Variants in MBNL2 observed in about 807,000 individuals in gnomAD.
The protein encoded by MBNL2 is muscleblind like splicing regulator 2.
Under a neutral mutation model 41.9 loss-of-function variants are expected in MBNL2, and 17 were observed. The observed-to-expected ratio is 0.41, with a 90% CI of 0.28 to 0.61. The LOEUF (loss-of-function observed/expected upper bound fraction) is 0.61. MBNL2 is among the 20% of genes least tolerant of loss of function. The pLI is 0.35. For synonymous variants in MBNL2, 195 were observed against 182.9 expected (o/e 1.07, Z -0.53); for missense variants, 336 against 505.6 (o/e 0.66, Z 3.22).
chr13:97,217,104 CAT>C (rs1469206790), upstream of MBNL2, among the ~76,000 whole-genome samples: 2 of 145,032 alleles, frequency 1.4e-5, no homozygotes, highest in African/African-American at 5.3e-5. Context: ...ATATACATAT[CAT>C]ATACAGTATG....
chr13:97,294,116 G>A (rs1308624372), intron 2 of MBNL2, among the ~76,000 whole-genome samples: 1 of 150,460 alleles, frequency 6.6e-6, no homozygotes, highest in Non-Finnish European at 1.5e-5. Context: ...TCATTTCATT[G>A]AATTTCATTT....
intron 4 of MBNL2, among the ~76,000 whole-genome samples, chr13:97,344,303 G>A (rs892791078): frequency 6.6e-6 from 1 of 152,144 alleles, no homozygotes; most frequent in Non-Finnish European, 1.5e-5. Context: ...ATATCCCTAT[G>A]ATATTCACTA....
At chr13:97,149,247 C>T in the MBNL2 span, among the ~76,000 whole-genome samples, 3 of 152,102 alleles carry the variant, frequency 2.0e-5, no homozygotes, top group African/African-American at 7.2e-5. Flanking sequence ...ATGATATGTT[C>T]GGGCTTCAGA....
chr13:97,176,868 AAAC>A, the MBNL2 span, among the ~76,000 whole-genome samples: 1 of 152,152 alleles, frequency 6.6e-6, no homozygotes, highest in Non-Finnish European at 1.5e-5. Context: ...ACATCTCACC[AAAC>A]AACGTTTTTA....
chr13:97,180,409 T>G, the MBNL2 span, among the ~76,000 whole-genome samples: 1 of 152,094 alleles, frequency 6.6e-6, no homozygotes, highest in Non-Finnish European at 1.5e-5. Flanking sequence ...ATGGGCTGAG[T>G]TGATATTTAT....
At chr13:97,152,623 A>C in the MBNL2 span, among the ~76,000 whole-genome samples, 1 of 152,200 alleles carries the variant, frequency 6.6e-6, no homozygotes, top group Non-Finnish European at 1.5e-5. Flanking sequence ...AAAATAATCA[A>C]TGCCTACCTT....
intron 8 of MBNL2, among the ~76,000 whole-genome samples, chr13:97,384,706 A>G (rs4771272): frequency 6.6e-6 from 1 of 152,010 alleles, no homozygotes; most frequent in Admixed American, 6.6e-5. Flanking sequence ...GGAAATGCCA[A>G]TTAATTGCCT....
At chr13:97,364,871 G>A (rs947899008) in intron 7 of MBNL2, among the ~76,000 whole-genome samples, 6 of 152,170 alleles carry the variant, frequency 3.9e-5, no homozygotes, top group Admixed American at 3.9e-4. Context: ...ATTATCACAT[G>A]TCATTCTTAT....
At chr13:97,181,500 A>G in the MBNL2 span, among the ~76,000 whole-genome samples, 2 of 152,162 alleles carry the variant, frequency 1.3e-5, no homozygotes, top group Non-Finnish European at 2.9e-5. Flanking sequence ...AAATGATGAA[A>G]TGTATAGTAG....
At position 97,346,319 on chromosome 13, in the gene MBNL2, AG is replaced by A. The variant is rs2061859005; in HGVS notation, c.541-482del. 1.3e-5 allele frequency among the ~76,000 whole-genome samples: 2 copies of A among 152,100 alleles called. No homozygotes were observed. The highest frequency in any genetic ancestry group is 4.1e-4 in the South Asian group (2 of 4,820). ...TAGATAGATGGATAATAGATAATAGAGGGATAGATTGATAGATGATAGATAA... is the reference window on the plus strand; with the variant it reads ...TAGATAGATGGATAATAGATAATAGAGGATAGATTGATAGATGATAGATAA... On this transcript the variant is annotated intron_variant, in intron 4 of 8. Coordinates refer to ENST00000679496, the MANE Select transcript of MBNL2 (RefSeq NM_001382683.1). The surrounding 1 kb of genome is among the most constrained non-coding windows in gnomAD (Gnocchi z 4.2).
At chr13:97,294,570 G>A (rs887203899) in intron 2 of MBNL2, among the ~76,000 whole-genome samples, 2 of 152,256 alleles carry the variant, frequency 1.3e-5, no homozygotes, top group East Asian at 1.9e-4. Flanking sequence ...ATATTCCTTC[G>A]GGGACTTATG....
the MBNL2 span, among the ~76,000 whole-genome samples, chr13:97,178,550 C>G: frequency 6.6e-6 from 1 of 152,174 alleles, no homozygotes; most frequent in Non-Finnish European, 1.5e-5. Flanking sequence ...TCAACCTCAT[C>G]TTTCATAGCA....
Position 97,366,801 on chromosome 13 carries a change from C to G in MBNL2, c.1048+1630C>G. On this transcript the variant is annotated intron_variant, in intron 8 of 8. Coordinates refer to ENST00000679496, the MANE Select transcript of MBNL2 (RefSeq NM_001382683.1). This position sits in a 1 kb window ranked among gnomAD's most constrained non-coding sequence, Gnocchi z 4.7. Reference sequence around the variant, plus strand: ...TTCGTACCTAATATTGTGTAATTAACCTGACAGGCTTAAATTCCTTTTAGT... The same window carrying G: ...TTCGTACCTAATATTGTGTAATTAAGCTGACAGGCTTAAATTCCTTTTAGT... The G allele has an allele frequency of 1.9e-6, 1 of 535,464 alleles. No individual in the cohort carries two copies. Among genetic ancestry groups the G allele is most frequent in the Non-Finnish European group, 3.4e-6 (1 of 298,018 alleles). 33.2% of individuals were successfully genotyped at this position (535,464 alleles called of 1,614,324 possible). A position where few individuals can be genotyped will look rare whatever the true frequency, so the allele number is the denominator to read the frequency against.
intron 1 of MBNL2, among the ~76,000 whole-genome samples, chr13:97,236,773 C>T (rs2043356406): frequency 6.6e-6 from 1 of 152,160 alleles, no homozygotes; most frequent in Admixed American, 6.5e-5. Flanking sequence ...GAAGTTAATG[C>T]TCCAAATTAG....
chr13:97,370,705 T>A (rs980383468), intron 8 of MBNL2, among the ~76,000 whole-genome samples: 3 of 151,304 alleles, frequency 2.0e-5, no homozygotes, highest in Non-Finnish European at 2.9e-5. Context: ...AGAAACCATA[T>A]AATGGACCTT....
the MBNL2 span, among the ~76,000 whole-genome samples, chr13:97,197,283 C>A: frequency 6.6e-6 from 1 of 152,284 alleles, no homozygotes; most frequent in African/African-American, 2.4e-5. Flanking sequence ...ACCCCCTACA[C>A]TTTTACTAAA....
intron 8 of MBNL2, among the ~76,000 whole-genome samples, chr13:97,388,416 T>C (rs1333003881): frequency 6.6e-6 from 1 of 152,034 alleles, no homozygotes; most frequent in African/African-American, 2.4e-5. Flanking sequence ...CATTAAATTA[T>C]GTTTGTTTAG....
chr13:97,343,351 C>A, intron 4 of MBNL2, 135 bp downstream of exon 4: 2 of 658,970 alleles, frequency 3.0e-6, no homozygotes, highest in Non-Finnish European at 5.1e-6. Context: ...TCACCTAAAA[C>A]CCATGTATTC....
chr13:97,190,761 GTT>G, the MBNL2 span, among the ~76,000 whole-genome samples: 1 of 152,292 alleles, frequency 6.6e-6, no homozygotes, highest in South Asian at 2.1e-4. Flanking sequence ...ATGGTGACCA[GTT>G]ATCCTCTCCT....
Sources: allele counts gnomAD v4.1 joint callset (sites outside exome capture counted in the v4.1 genomes callset), GRCh38; gene constraint gnomAD v4.1.1; non-coding constraint Gnocchi (gnomAD v3.1); transcripts MANE v1.5; gene names NCBI Gene and HGNC (gene_info 2026-07-23, HGNC 2026-07-21).